The following PDGFC variants were observed in gnomAD, a reference collection of about 807,000 sequenced individuals.
PDGFC encodes the protein platelet derived growth factor C.
Under a neutral mutation model 35.5 loss-of-function variants are expected in PDGFC, and 12 were observed. The ratio of observed to expected loss-of-function variants is 0.34; its 90% CI spans 0.22 to 0.55. PDGFC has a LOEUF of 0.55. Among genes scored for constraint, PDGFC ranks in the 20% least tolerant of loss-of-function variants. The pLI is 0.91. For missense variants in PDGFC, 322 were observed against 412.4 expected (o/e 0.78, Z 1.90); for synonymous variants, 159 against 148.8 (o/e 1.07, Z -0.50).
At chr4:156,839,941 T>C (rs993064746) in intron 2 of PDGFC, among the ~76,000 whole-genome samples, 1 of 152,102 alleles carries the variant, frequency 6.6e-6, no homozygotes, top group Non-Finnish European at 1.5e-5. Context: ...AACTTTGAAC[T>C]TGAGAGAGAT....
At chr4:156,802,258 T>C (rs1731632368) in intron 3 of PDGFC, among the ~76,000 whole-genome samples, 1 of 152,056 alleles carries the variant, frequency 6.6e-6, no homozygotes, top group South Asian at 2.1e-4. Flanking sequence ...GCTTACACCC[T>C]TAAGGCCAAA....
intron 1 of PDGFC, among the ~76,000 whole-genome samples, chr4:156,918,282 A>G (rs1285554949): frequency 6.6e-6 from 1 of 152,222 alleles, no homozygotes. Context: ...TACTCCCATA[A>G]CAAACAAGTA....
chr4:156,829,081 G>T (rs1404887754), intron 2 of PDGFC, among the ~76,000 whole-genome samples: 1 of 152,094 alleles, frequency 6.6e-6, no homozygotes, highest in Non-Finnish European at 1.5e-5. Context: ...GAGAAATTTA[G>T]AATTTGAGAA....
chr4:156,936,518 C>T (rs370604350), intron 1 of PDGFC, among the ~76,000 whole-genome samples: 1 of 152,204 alleles, frequency 6.6e-6, no homozygotes, highest in Admixed American at 6.5e-5. Flanking sequence ...TCCCAGCACT[C>T]AGCTTTCTGT....
chr4:156,800,618 T>A (rs560245187), intron 3 of PDGFC, among the ~76,000 whole-genome samples: 1 of 152,250 alleles, frequency 6.6e-6, no homozygotes, highest in South Asian at 2.1e-4. Context: ...ATATGGTAAG[T>A]CATTTGGTGA....
intron 3 of PDGFC, among the ~76,000 whole-genome samples, chr4:156,797,498 G>T (rs896678204): frequency 6.6e-6 from 1 of 152,110 alleles, no homozygotes; most frequent in Non-Finnish European, 1.5e-5. Context: ...TTTGAACATG[G>T]TTTAAAGTTC....
At chr4:156,950,330 A>G (rs1329788847) in intron 1 of PDGFC, among the ~76,000 whole-genome samples, 1 of 151,864 alleles carries the variant, frequency 6.6e-6, no homozygotes, top group African/African-American at 2.4e-5. Flanking sequence ...AACTAAAATA[A>G]CCTTACTAAA....
intron 1 of PDGFC, among the ~76,000 whole-genome samples, chr4:156,921,654 T>C (rs1048990230): frequency 3.9e-5 from 6 of 152,302 alleles, no homozygotes; most frequent in African/African-American, 1.2e-4. Context: ...AGCTTTTAGC[T>C]GAGTAATATT....
chr4:156,968,236 A>C (rs2110992035), intron 1 of PDGFC, among the ~76,000 whole-genome samples: 1 of 152,310 alleles, frequency 6.6e-6, no homozygotes, highest in East Asian at 1.9e-4. Context: ...AAAAGAGAGT[A>C]TCATGAGGAG....
chr4:156,934,311 A>G (rs1167827026), intron 1 of PDGFC, among the ~76,000 whole-genome samples: 1 of 152,226 alleles, frequency 6.6e-6, no homozygotes, highest in Non-Finnish European at 1.5e-5. Flanking sequence ...AGACAATTGT[A>G]ATACAACGGT....
intron 3 of PDGFC, among the ~76,000 whole-genome samples, chr4:156,789,546 C>A (rs1218222556): frequency 6.6e-6 from 1 of 152,058 alleles, no homozygotes; most frequent in Non-Finnish European, 1.5e-5. Flanking sequence ...ACACACACAC[C>A]AACTAGCACT....
At chr4:156,930,576 T>C (rs1317612047) in intron 1 of PDGFC, among the ~76,000 whole-genome samples, 1 of 152,144 alleles carries the variant, frequency 6.6e-6, no homozygotes, top group Non-Finnish European at 1.5e-5. Flanking sequence ...TTATTAAGAA[T>C]CTAGGTTTAG....
chr4:156,951,468 T>C (rs534332119), intron 1 of PDGFC, among the ~76,000 whole-genome samples: 8 of 151,918 alleles, frequency 5.3e-5, no homozygotes, highest in Admixed American at 1.3e-4. Context: ...TGTTTCTTAC[T>C]GAATGGTCTG....
chr4:156,936,354 T>A (rs1167885004), intron 1 of PDGFC, among the ~76,000 whole-genome samples: 1 of 152,180 alleles, frequency 6.6e-6, no homozygotes, highest in Admixed American at 6.5e-5. Context: ...CTACCACATT[T>A]CAGGTCTCTC....
chr4:156,764,802 C>G (rs549936178), intron 5 of PDGFC, among the ~76,000 whole-genome samples: 1 of 152,128 alleles, frequency 6.6e-6, no homozygotes, highest in African/African-American at 2.4e-5. Flanking sequence ...GATATTGGCA[C>G]TATTCCTTAT....
chr4:156,766,373 C>T (rs966390760), intron 5 of PDGFC, among the ~76,000 whole-genome samples: 8 of 152,080 alleles, frequency 5.3e-5, no homozygotes, highest in African/African-American at 1.9e-4. Flanking sequence ...TGTCTTCCCA[C>T]AAAGAGATCC....
At chr4:156,868,911 A>G (rs1376148114) in intron 1 of PDGFC, among the ~76,000 whole-genome samples, 1 of 152,212 alleles carries the variant, frequency 6.6e-6, no homozygotes, top group Non-Finnish European at 1.5e-5. Flanking sequence ...GCAATAGCTC[A>G]GAACTCTTTT....
chr4:156,902,200 T>A (rs1245280191), intron 1 of PDGFC, among the ~76,000 whole-genome samples: 2 of 152,350 alleles, frequency 1.3e-5, no homozygotes, highest in South Asian at 2.1e-4. Flanking sequence ...CTTCTACATA[T>A]CTTGTTATAA....
chr4:156,858,122 C>T (rs958117322), intron 1 of PDGFC, among the ~76,000 whole-genome samples: 22 of 152,146 alleles, frequency 1.4e-4, no homozygotes, highest in Non-Finnish European at 2.5e-4. Flanking sequence ...TATTATTATG[C>T]GTGCCACTAT....
Sources: gnomAD v4.1 joint callset for allele counts (sites outside exome capture counted in the v4.1 genomes callset) on GRCh38, gnomAD v4.1.1 for gene constraint, MANE v1.5 for transcripts, NCBI Gene and HGNC (gene_info 2026-07-23, HGNC 2026-07-21) for gene names.